The following ZNF415 variants were observed in gnomAD, a reference collection of about 807,000 sequenced individuals.
ZNF415 encodes the protein zinc finger protein 415.
A neutral mutation model predicts 7.3 loss-of-function variants in ZNF415; 5 were observed. The observed-to-expected ratio is 0.69, with a 90% CI of 0.36 to 1.44. ZNF415 has a LOEUF of 1.44. ZNF415 is among the 40% of genes most tolerant of loss of function. The pLI is 0.04. For synonymous variants in ZNF415, 207 were observed against 226.3 expected, an observed-to-expected ratio of 0.91 and a Z score of 0.77; for missense variants, 628 against 664.8, an observed-to-expected ratio of 0.94 and a Z score of 0.61.
chr19:53,116,429 G>A lies in ZNF415; in HGVS notation c.20C>T (p.Thr7Ile). ...GAATTCGATGGCCACGTCCCTGAAT[G>A]TCAACTGTCCGTAAAATAATAAACA... MAFTQL[T>I]FRDVAIEFSQ... The change falls in exon 3 of 4, where the codon ACA becomes ATA. Residue 7 changes from threonine (T) to isoleucine (I), a missense_variant. Coordinates refer to ENST00000243643, the MANE Select transcript of ZNF415 (RefSeq NM_018355.4). 3 of 1,614,074 alleles carry A rather than the reference G, an allele frequency of 1.9e-6. No individual in the cohort carries two copies. The highest frequency in any genetic ancestry group is 2.2e-5 in the South Asian group (2 of 91,064).
chr19:53,130,668 GT>G (rs540808770), intron 1 of ZNF415, among the ~76,000 whole-genome samples: 124 of 150,644 alleles, frequency 8.2e-4, no homozygotes, highest in Non-Finnish European at 1.4e-3. Context: ...TTTGTTCTTT[GT>G]TTTTTTTTCA....
In ZNF415 at chr19:53,108,442, C is replaced by T. The variant is rs1478457235; in HGVS notation, c.1603G>A (p.Val535Met). 1 of 1,614,100 alleles carries T rather than the reference C, an allele frequency of 6.2e-7. No individual in the cohort carries two copies. The highest frequency in any genetic ancestry group is 1.3e-5 in the African/African-American group (1 of 75,018). The change falls in exon 4 of 4, where the codon GTG becomes ATG. Residue 535 changes from valine (V) to methionine (M), a missense_variant. By Grantham distance (21) the Val-to-Met change is conservative (BLOSUM62 1). Transcript: ENST00000243643. ...KCSDCGKSFS[V>M]RPNLFRHQII... ...TGATGTCTGAAGAGGTTTGGGCGCA[C>T]ACTAAAGGACTTCCCACAATCACTA...
chr19:53,111,231 G>A (rs1336504604), intron 3 of ZNF415, among the ~76,000 whole-genome samples: 3 of 152,004 alleles, frequency 2.0e-5, no homozygotes, highest in Non-Finnish European at 4.4e-5. Flanking sequence ...GACAGTCAGC[G>A]AGCCAGTACC....
At chr19:53,125,409 A>G (rs974598137) in intron 1 of ZNF415, among the ~76,000 whole-genome samples, 1 of 151,054 alleles carries the variant, frequency 6.6e-6, no homozygotes, top group African/African-American at 2.4e-5. Flanking sequence ...ATGCTGGCTC[A>G]GTGCAGCCTC....
At position 53,122,260 on chromosome 19, in the gene ZNF415, C is replaced by T. The variant is rs112994696; in HGVS notation, c.15+402G>A. 3 of 925,886 alleles carry T rather than the reference C, an allele frequency of 3.2e-6. No homozygotes were observed. In the African/African-American group the frequency reaches 5.0e-5, roughly 15 times the overall value. The allele number at this position is 925,886 out of a possible 1,614,324, so 57.4% of individuals were successfully genotyped here. A position where few individuals can be genotyped will look rare whatever the true frequency, so the allele number is the denominator to read the frequency against. On this transcript the variant is annotated intron_variant, in intron 2 of 3. Transcript: ENST00000243643. ...AAACTCCATCTCAAAAACAAACAAA[C>T]AAACAAAAAACAAAAACAACAAAAA...
At chr19:53,123,205 A>G (rs904912513) in intron 1 of ZNF415, among the ~76,000 whole-genome samples, 1 of 152,116 alleles carries the variant, frequency 6.6e-6, no homozygotes, top group African/African-American at 2.4e-5. Context: ...CACAAGAGGT[A>G]TATCTGCAAA....
intron 2 of ZNF415, among the ~76,000 whole-genome samples, chr19:53,119,755 A>G (rs1246854634): frequency 1.3e-5 from 2 of 152,060 alleles, no homozygotes; most frequent in African/African-American, 2.4e-5. Flanking sequence ...ATAAAAGATC[A>G]TCAGAGACTA....
chr19:53,108,712 A>C lies in ZNF415; in HGVS notation c.1333T>G (p.Cys445Gly). The change falls in exon 4 of 4, where the codon TGT becomes GGT. Residue 445 changes from cysteine to glycine, a missense_variant. By Grantham distance (159) the Cys-to-Gly change is radical. Coordinates refer to ENST00000243643, the MANE Select transcript of ZNF415 (RefSeq NM_018355.4). ...GAATGCACACTAAAGGCTTTCCCAC[A>C]CTCATTACACTTGTAAGGTTTCTCT... The part of the protein sequence containing the change: ...TGEKPYKCNE[C>G]GKAFSVHSNL... 1 of 1,614,178 alleles carries C rather than the reference A, an allele frequency of 6.2e-7. No individual in the cohort carries two copies. Among genetic ancestry groups the C allele is most frequent in the Non-Finnish European group, 8.5e-7 (1 of 1,180,040 alleles).
chr19:53,131,617 T>C (rs1171003616), intron 1 of ZNF415, among the ~76,000 whole-genome samples: 1 of 151,980 alleles, frequency 6.6e-6, no homozygotes, highest in South Asian at 2.1e-4. Context: ...TCCCCTTTAT[T>C]TTCTCCCTAG....
intron 1 of ZNF415, among the ~76,000 whole-genome samples, chr19:53,126,721 C>A (rs538830831): frequency 8.0e-6 from 1 of 124,768 alleles, no homozygotes; most frequent in African/African-American, 2.7e-5. Context: ...CAGAAAGACT[C>A]CTTTCCCTAA....
Position 53,108,198 on chromosome 19 carries a change from G to A in ZNF415, c.*179C>T. The A allele has an allele frequency of 1.6e-6, 1 of 631,824 alleles. No homozygotes were observed. The highest frequency in any genetic ancestry group is 2.7e-6 in the Non-Finnish European group (1 of 376,246). The allele number at this position is 631,824 out of a possible 1,614,324, so 39.1% of individuals were successfully genotyped here. On this transcript the variant is annotated 3_prime_UTR_variant, in exon 4 of 4. Coordinates refer to ENST00000243643, the MANE Select transcript of ZNF415 (RefSeq NM_018355.4). ...CTGATGTCAATGAATGCTTGAACTTGTGATGAAGGGTTTGCTGTACTCGTA... is the reference window on the plus strand; with the variant it reads ...CTGATGTCAATGAATGCTTGAACTTATGATGAAGGGTTTGCTGTACTCGTA...
At chr19:53,129,317 G>C (rs2089731359) in intron 1 of ZNF415, among the ~76,000 whole-genome samples, 1 of 152,146 alleles carries the variant, frequency 6.6e-6, no homozygotes, top group Admixed American at 6.5e-5. Flanking sequence ...TTGTCCTGGG[G>C]AACACAGGAA....
chr19:53,122,847 C>T (rs550970746), intron 1 of ZNF415, 104 bp from the exon 2 acceptor site: 30 of 850,576 alleles, frequency 3.5e-5, no homozygotes, highest in Admixed American at 2.1e-4. Flanking sequence ...TGTGCAAAGA[C>T]GGTCCTCTGC....
chr19:53,115,008 T>C (rs1055826337), intron 3 of ZNF415, among the ~76,000 whole-genome samples: 12 of 151,976 alleles, frequency 7.9e-5, no homozygotes, highest in Non-Finnish European at 1.2e-4. Flanking sequence ...CTGATCTATA[T>C]GGAGAGCGAA....
rs1568552441 is a variant in ZNF415, at chr19:53,113,227, G to GCAGTGTAAA, written c.136+3085_136+3086insTTTACACTG. Among the ~76,000 whole-genome samples the GCAGTGTAAA allele has an allele frequency of 1.1e-4, 3 of 27,726 alleles. 1 individual carries two copies. Among genetic ancestry groups the GCAGTGTAAA allele is most frequent in the African/African-American group, 1.3e-4 (1 of 7,848 alleles). 18.2% of individuals were successfully genotyped at this position (27,726 alleles called of 152,430 possible). The stretch of plus-strand genomic sequence containing the variant: ...ACTGGACTTTAAAAACCGAGGCATT[G>GCAGTGTAAA]GCCGGGCGCGGTGGCTCACGCCTGT... On this transcript the variant is annotated intron_variant, in intron 3 of 3. Coordinates refer to ENST00000243643, the MANE Select transcript of ZNF415 (RefSeq NM_018355.4).
At chr19:53,129,796 G>T (rs764285959) in intron 1 of ZNF415, 6 of 391,816 alleles carry the variant, frequency 1.5e-5, no homozygotes, top group African/African-American at 4.1e-5. Context: ...CAGGCATGTT[G>T]GCTCGTGCCT....
chr19:53,111,340 CTTT>C (rs61112807), intron 3 of ZNF415, among the ~76,000 whole-genome samples: 4 of 105,118 alleles, frequency 3.8e-5, no homozygotes, highest in Non-Finnish European at 3.7e-5. Context: ...TATGATATTT[CTTT>C]TTTTTTTTTT....
At chr19:53,124,345 G>C (rs1351154608) in intron 1 of ZNF415, 1 of 152,532 alleles carries the variant, frequency 6.6e-6, no homozygotes, top group Non-Finnish European at 1.5e-5. Context: ...GTTTAGGGTG[G>C]AGGGTGAAGG....
intron 1 of ZNF415, chr19:53,129,735 T>G (rs896366964): frequency 2.5e-6 from 1 of 397,836 alleles, no homozygotes; most frequent in African/African-American, 2.1e-5. Context: ...GAAGGGCCAA[T>G]GGGCTGTGTT....
Sources: allele counts gnomAD v4.1 joint callset (sites outside exome capture counted in the v4.1 genomes callset), GRCh38; gene constraint gnomAD v4.1.1; transcripts MANE v1.5; gene names NCBI Gene and HGNC (gene_info 2026-07-23, HGNC 2026-07-21).